Variants in CRLF3 observed in about 807,000 individuals in gnomAD.
The protein encoded by CRLF3 is cytokine receptor-like factor 3.
A neutral mutation model predicts 55.0 loss-of-function variants in CRLF3; 33 were observed. The ratio of observed to expected loss-of-function variants is 0.60; its 90% confidence interval spans 0.46 to 0.80. CRLF3 has a LOEUF of 0.80. CRLF3 is among the 30% of genes least tolerant of loss of function. The pLI is 0.00. For missense variants in CRLF3, 494 were observed against 538.4 expected (o/e 0.92, Z 0.82); for synonymous variants, 238 against 196.8 (o/e 1.21, Z -1.75).
At chr17:30,801,691 A>G (rs1161691722) in intron 2 of CRLF3, among the ~76,000 whole-genome samples, 4 of 152,098 alleles carry the variant, frequency 2.6e-5, no homozygotes, top group African/African-American at 9.7e-5. Flanking sequence ...TTGACATCCC[A>G]AAGTGCTGGG....
At chr17:30,814,240 G>C (rs1904712669) in intron 1 of CRLF3, among the ~76,000 whole-genome samples, 1 of 152,022 alleles carries the variant, frequency 6.6e-6, no homozygotes, top group African/African-American at 2.4e-5. Flanking sequence ...CTGGGTGACA[G>C]AGCAAGACTC....
chr17:30,806,274 T>C (rs561287048), intron 1 of CRLF3, among the ~76,000 whole-genome samples: 2 of 152,158 alleles, frequency 1.3e-5, no homozygotes, highest in African/African-American at 4.8e-5. Context: ...CCCCAAAAAA[T>C]ACATAATCTA....
rs1224342299 is a variant in CRLF3, at chr17:30,796,166, C to T, written c.597G>A (p.Trp199Ter). ...AGAATTCTGAATTACATACCTTACA[C>T]CATCGTACAATGATGCCTCCAGGTT... ...IEKPGGIIVR[W>*]CKVDDDFTAQ... The change falls in exon 4 of 8, where the codon TGG becomes TGA. Residue 199 changes from tryptophan (W) to a stop codon, truncating the protein, a stop_gained. Transcript: ENST00000324238. LOFTEE classifies it high-confidence loss of function. 6.2e-7 allele frequency: 1 copy of T among 1,609,914 alleles called. No homozygotes were observed. Among genetic ancestry groups the T allele is most frequent in the Non-Finnish European group, 8.5e-7 (1 of 1,177,502 alleles).
intron 2 of CRLF3, chr17:30,801,074 C>G (rs1036680904): frequency 1.3e-5 from 2 of 150,838 alleles, no homozygotes; most frequent in East Asian, 4.0e-4. Flanking sequence ...GTGCTCAGCA[C>G]GCCTAGCTAT....
intron 1 of CRLF3, among the ~76,000 whole-genome samples, chr17:30,815,080 CTTTCTT>C (rs1489555199): frequency 1.5e-3 from 220 of 142,524 alleles, no homozygotes; most frequent in African/African-American, 5.7e-3. Context: ...TTTTTTCTTT[CTTTCTT>C]TTTTTTTTTT....
intron 1 of CRLF3, among the ~76,000 whole-genome samples, chr17:30,815,541 CTTTT>C (rs57194440): frequency 1.5e-4 from 18 of 116,376 alleles, no homozygotes; most frequent in South Asian, 8.2e-4. Flanking sequence ...CTAGTTTCTT[CTTTT>C]TTTTTTTTTT....
Position 30,816,492 on chromosome 17 carries a change from T to TTC in CRLF3, c.129+8030_129+8031insGA, listed in dbSNP as rs1226045429. ...TTTACTGTATCTTCTTTCTTTCTTTTTTTTTTTTTTTTTTTTAGACAGGGT... is the reference window on the plus strand; with the variant it reads ...TTTACTGTATCTTCTTTCTTTCTTTTTCTTTTTTTTTTTTTTTTAGACAGGGT... On this transcript the variant is annotated intron_variant, in intron 1 of 7. Transcript: ENST00000324238. Among the ~76,000 whole-genome samples, 1,170 of 147,274 alleles carry TTC rather than the reference T, an allele frequency of 7.9e-3. 20 individuals are homozygous for TTC. Among genetic ancestry groups the TTC allele is most frequent in the African/African-American group, 0.028 (1,117 of 40,166 alleles).
At chr17:30,790,671 C>T (rs1971777346) in intron 6 of CRLF3, 1 of 129,252 alleles carries the variant, frequency 7.7e-6, no homozygotes, top group African/African-American at 3.0e-5. Context: ...GGCTGGAGTG[C>T]AGTGGCACGA....
intron 6 of CRLF3, chr17:30,787,556 A>T (rs1015728804): frequency 6.6e-6 from 1 of 151,454 alleles, no homozygotes; most frequent in Non-Finnish European, 1.5e-5. Flanking sequence ...ATTAGTGTGA[A>T]ACAAAATGTG....
intron 5 of CRLF3, 87 bp downstream of exon 5, chr17:30,793,363 C>T: frequency 1.1e-6 from 1 of 937,114 alleles, no homozygotes; most frequent in South Asian, 1.5e-5. Flanking sequence ...CTTAGAATAG[C>T]TGGTTGTCAG....
At chr17:30,810,839 A>G (rs1477750321) in intron 1 of CRLF3, among the ~76,000 whole-genome samples, 1 of 151,864 alleles carries the variant, frequency 6.6e-6, no homozygotes, top group Non-Finnish European at 1.5e-5. Flanking sequence ...GCTCATGCCT[A>G]TAATCCCGGC....
In CRLF3 at chr17:30,782,844, ATAAAT is replaced by A. The variant is rs1283811061; in HGVS notation, c.*1338_*1342del. The A allele has an allele frequency of 6.6e-6, 1 of 152,184 alleles. No individual in the cohort carries two copies. The highest frequency in any genetic ancestry group is 1.5e-5 in the Non-Finnish European group (1 of 68,034). The allele number at this position is 152,184 out of a possible 1,614,324, so 9.4% of individuals were successfully genotyped here. A position where few individuals can be genotyped will look rare whatever the true frequency, so the allele number is the denominator to read the frequency against. ...TCTAACAGGGAACATGAATCCCCAA[ATAAAT>A]TATCTTACAAAAATATCATACTTGC... On this transcript the variant is annotated 3_prime_UTR_variant, in exon 8 of 8. Transcript: ENST00000324238.
In CRLF3 at chr17:30,793,689, T is replaced by C. The variant is rs752313660; in HGVS notation, c.604-17A>G. 5.2e-5 allele frequency: 82 copies of C among 1,566,578 alleles called. No individual in the cohort carries two copies. Among genetic ancestry groups the C allele is most frequent in the Non-Finnish European group, 7.0e-5 (80 of 1,144,406 alleles). ...ATCATCCACCTAGGGAGAAAAGCTT[T>C]ATGTTAGGTAAAAAACAGAAAATGA... On this transcript the variant is annotated splice_polypyrimidine_tract_variant and intron_variant, in intron 4 of 7. Transcript: ENST00000324238.
chr17:30,795,205 GCA>G (rs1971893381), intron 4 of CRLF3, among the ~76,000 whole-genome samples: 1 of 152,184 alleles, frequency 6.6e-6, no homozygotes, highest in African/African-American at 2.4e-5. Flanking sequence ...TCTCAGCTGG[GCA>G]CAGTGGCTCA....
Position 30,784,341 on chromosome 17 carries a change from G to C in CRLF3, c.1175C>G (p.Thr392Ser). Reference sequence around the variant, plus strand: ...GAAGTGTCCACCTTCATTATTACTGGTGGTTCCTAGAGTCACGGCTTCAAT... The same window carrying C: ...GAAGTGTCCACCTTCATTATTACTGCTGGTTCCTAGAGTCACGGCTTCAAT... Reference protein sequence around the residue: ...FDIEAVTLGTTSNNEGGHFKL... With the variant: ...FDIEAVTLGTSSNNEGGHFKL... Residue 392 changes from threonine (T) to serine (S), a missense_variant, in exon 8 of 8, where the codon ACC becomes AGC. Thr to Ser is a moderately conservative substitution (Grantham distance 58). Coordinates refer to ENST00000324238, the MANE Select transcript of CRLF3 (RefSeq NM_015986.4). The C allele has an allele frequency of 6.2e-7, 1 of 1,614,076 alleles. No homozygotes were observed. Among genetic ancestry groups the C allele is most frequent in the Non-Finnish European group, 8.5e-7 (1 of 1,179,986 alleles).
chr17:30,802,635 C>A (rs1054641133), intron 2 of CRLF3, among the ~76,000 whole-genome samples: 43 of 148,146 alleles, frequency 2.9e-4, no homozygotes, highest in Admixed American at 1.0e-3. Flanking sequence ...GTTGCCCAGG[C>A]TGGTCTTAAA....
chr17:30,796,358 TG>T (rs1464902241), intron 3 of CRLF3, 21 bp from the exon 4 acceptor site: 1 of 1,589,536 alleles, frequency 6.3e-7, no homozygotes, highest in African/African-American at 1.3e-5. Context: ...AAAGCTCATG[TG>T]TTATGAGACC....
chr17:30,824,179 C>T (rs1905071352), intron 1 of CRLF3, among the ~76,000 whole-genome samples: 1 of 151,816 alleles, frequency 6.6e-6, no homozygotes, highest in Non-Finnish European at 1.5e-5. Context: ...GGTTTTTTAC[C>T]AGTCTCCTCC....
chr17:30,822,912 T>A (rs1360344833), intron 1 of CRLF3, among the ~76,000 whole-genome samples: 1 of 152,164 alleles, frequency 6.6e-6, no homozygotes, highest in African/African-American at 2.4e-5. Context: ...GCAGAAGGAA[T>A]AATGCAGATA....
Sources: allele counts gnomAD v4.1 joint callset (sites outside exome capture counted in the v4.1 genomes callset), GRCh38; gene constraint gnomAD v4.1.1; transcripts MANE v1.5; gene names NCBI Gene and HGNC (gene_info 2026-07-23, HGNC 2026-07-21).